Variants in RORA observed in about 807,000 individuals in gnomAD.
RORA encodes nuclear receptor ROR-alpha.
In RORA, 7 loss-of-function variants were observed where a neutral mutation model predicts 69.5. The observed-to-expected ratio is 0.10, with a 90% CI of 0.06 to 0.19. RORA has a LOEUF of 0.19. Ranked by LOEUF, RORA falls within the 10% of genes least tolerant of loss-of-function variation. The probability of loss-of-function intolerance (pLI) is 1.00; values close to 1 mark genes in which losing one functional copy is unlikely to be tolerated. For missense variants in RORA, 457 were observed against 663.0 expected, an observed-to-expected ratio of 0.69 and a Z score of 3.41; for synonymous variants, 261 against 240.8, an observed-to-expected ratio of 1.08 and a Z score of -0.78.
rs531498954 is a variant in RORA at position 60,999,091 on chromosome 15, A to C, written c.166+229962T>G. Among the ~76,000 whole-genome samples the C allele has an allele frequency of 3.9e-4, 59 of 152,324 alleles. No individual in the cohort carries two copies. In the Middle Eastern group the frequency reaches 0.024, roughly 61 times the overall value. On this transcript the variant is annotated intron_variant, in intron 1 of 10. Coordinates refer to ENST00000335670, the MANE Select transcript of RORA (RefSeq NM_134261.3). Reference sequence around the variant, plus strand: ...CTAGAAGAGAGCCTGAAAATCATCAAGCATGGTGGTTATCAAGCAGTTGTT... The same window carrying C: ...CTAGAAGAGAGCCTGAAAATCATCACGCATGGTGGTTATCAAGCAGTTGTT...
chr15:60,854,201 G>T (rs2073356880), intron 1 of RORA, among the ~76,000 whole-genome samples: 1 of 152,126 alleles, frequency 6.6e-6, no homozygotes, highest in African/African-American at 2.4e-5. Flanking sequence ...GGCAGAGATT[G>T]CAGTGAGCCA....
chr15:60,654,477 C>G (rs924214497), intron 2 of RORA, among the ~76,000 whole-genome samples: 4 of 152,154 alleles, frequency 2.6e-5, no homozygotes, highest in Admixed American at 2.6e-4. Context: ...CAAGTAGACC[C>G]GAGGCTCTCT....
intron 2 of RORA, among the ~76,000 whole-genome samples, chr15:60,559,451 T>C (rs1033101304): frequency 1.3e-5 from 2 of 152,180 alleles, no homozygotes; most frequent in African/African-American, 4.8e-5. Context: ...ATAAATAGGA[T>C]GTACTGGGTC....
At chr15:61,140,781 C>T (rs985728142) in intron 1 of RORA, among the ~76,000 whole-genome samples, 7 of 151,916 alleles carry the variant, frequency 4.6e-5, no homozygotes, top group Admixed American at 6.6e-5. Flanking sequence ...TGGGCAGTGG[C>T]GGGGGGTCAG....
At chr15:61,087,063 C>G (rs558281477) in intron 1 of RORA, among the ~76,000 whole-genome samples, 52 of 152,212 alleles carry the variant, frequency 3.4e-4, no homozygotes, top group African/African-American at 1.3e-3. Flanking sequence ...CCTAGCTACT[C>G]AAGAGGCTGA....
At chr15:60,958,358 G>A (rs899368429) in intron 1 of RORA, among the ~76,000 whole-genome samples, 1 of 152,132 alleles carries the variant, frequency 6.6e-6, no homozygotes, top group African/African-American at 2.4e-5. Context: ...GTGGTCCACT[G>A]CCCCCTTACC....
intron 1 of RORA, among the ~76,000 whole-genome samples, chr15:60,883,432 T>A (rs918354444): frequency 6.6e-6 from 1 of 152,222 alleles, no homozygotes; most frequent in Non-Finnish European, 1.5e-5. Context: ...CCCAAATATA[T>A]GCAAATGATG....
intron 1 of RORA, among the ~76,000 whole-genome samples, chr15:61,186,439 G>A (rs757591107): frequency 4.0e-5 from 6 of 151,868 alleles, no homozygotes; most frequent in East Asian, 1.9e-4. Context: ...TCAGGAGTTC[G>A]AGACCAGCCT....
chr15:60,942,166 GTAAC>G (rs1214775422), intron 1 of RORA, among the ~76,000 whole-genome samples: 1 of 151,894 alleles, frequency 6.6e-6, no homozygotes, highest in Non-Finnish European at 1.5e-5. Context: ...CATCATAAAC[GTAAC>G]TATCTATGGA....
chr15:60,966,568 T>C (rs1398891988), intron 1 of RORA, among the ~76,000 whole-genome samples: 3 of 152,212 alleles, frequency 2.0e-5, no homozygotes, highest in African/African-American at 7.2e-5. Context: ...GGTAGGAATG[T>C]ATTAGATGAA....
rs2079053571 is a variant in RORA, at chr15:61,116,653, G to C, written c.166+112400C>G. 2.6e-5 allele frequency among the ~76,000 whole-genome samples: 4 copies of C among 152,212 alleles called. No homozygotes were observed. In the South Asian group the frequency reaches 8.3e-4, roughly 32 times the overall value. ...CTCATTTTACGGAGGAAGAAGCAAAGACTGAAAACATTGACGAGCTTTCCT... is the reference window on the plus strand; with the variant it reads ...CTCATTTTACGGAGGAAGAAGCAAACACTGAAAACATTGACGAGCTTTCCT... On this transcript the variant is annotated intron_variant, in intron 1 of 10. Transcript: ENST00000335670.
At chr15:60,497,824 C>T (rs1002504478) in intron 10 of RORA, among the ~76,000 whole-genome samples, 3 of 151,830 alleles carry the variant, frequency 2.0e-5, no homozygotes, top group Admixed American at 6.6e-5. Context: ...TTTGGGAGGC[C>T]GAGGCGGTTG....
At chr15:61,035,074 A>G (rs1489033639) in intron 1 of RORA, among the ~76,000 whole-genome samples, 1 of 152,230 alleles carries the variant, frequency 6.6e-6, no homozygotes, top group Admixed American at 6.5e-5. Context: ...AGCATTGTAG[A>G]CTTTAATTAT....
At chr15:61,122,019 A>G (rs1318198049) in intron 1 of RORA, among the ~76,000 whole-genome samples, 1 of 152,228 alleles carries the variant, frequency 6.6e-6, no homozygotes, top group East Asian at 1.9e-4. Context: ...AATACTGCTT[A>G]GAAACACCAG....
intron 1 of RORA, among the ~76,000 whole-genome samples, chr15:60,696,367 AT>A (rs939447642): frequency 8.6e-5 from 13 of 151,464 alleles, no homozygotes; most frequent in African/African-American, 3.2e-4. Flanking sequence ...ACTTAGGCTG[AT>A]TTACAGAAAA....
At chr15:61,056,486 C>G (rs915528531) in intron 1 of RORA, among the ~76,000 whole-genome samples, 1 of 152,116 alleles carries the variant, frequency 6.6e-6, no homozygotes, top group Non-Finnish European at 1.5e-5. Flanking sequence ...CAGGATTATT[C>G]AGAAGTACGG....
At chr15:60,910,369 C>A (rs773100703) in intron 1 of RORA, among the ~76,000 whole-genome samples, 31 of 152,222 alleles carry the variant, frequency 2.0e-4, no homozygotes, top group Non-Finnish European at 3.4e-4. Flanking sequence ...TAATCCCAGG[C>A]AAGTCACTTA....
intron 2 of RORA, among the ~76,000 whole-genome samples, chr15:60,547,324 CTTTTTT>C (rs368737897): frequency 7.3e-6 from 1 of 136,788 alleles, no homozygotes; most frequent in Non-Finnish European, 1.6e-5. Context: ...CCCTCTCCTC[CTTTTTT>C]TTTTTTTTTT....
At chr15:60,501,416 C>T (rs2065328314) in intron 8 of RORA, among the ~76,000 whole-genome samples, 1 of 152,110 alleles carries the variant, frequency 6.6e-6, no homozygotes, top group Non-Finnish European at 1.5e-5. Context: ...TGGGTTTCTT[C>T]TTATTTTAAA....
Sources: gnomAD v4.1 joint callset for allele counts (sites outside exome capture counted in the v4.1 genomes callset) on GRCh38, gnomAD v4.1.1 for gene constraint, MANE v1.5 for transcripts, NCBI Gene and HGNC (gene_info 2026-07-23, HGNC 2026-07-21) for gene names.